GRM4: variants seen among roughly 807,000 people sequenced by gnomAD.
The protein encoded by GRM4 is metabotropic glutamate receptor 4.
A neutral mutation model predicts 81.7 loss-of-function variants in GRM4; 28 were observed. That is an observed-to-expected ratio of 0.34 (90% CI 0.25 to 0.47). The LOEUF (loss-of-function observed/expected upper bound fraction) is 0.47. Ranked by LOEUF, GRM4 falls within the 20% of genes least tolerant of loss-of-function variation. The pLI is 1.00. For synonymous variants in GRM4, 488 were observed against 528.8 expected (o/e 0.92, Z 1.06); for missense variants, 948 against 1,290.0 (o/e 0.73, Z 4.06).
chr6:34,053,201 C>G (rs1325233064), intron 6 of GRM4, among the ~76,000 whole-genome samples: 1 of 152,212 alleles, frequency 6.6e-6, no homozygotes, highest in Non-Finnish European at 1.5e-5. Context: ...AGTTAGATAA[C>G]TTGTCCAAGG....
intron 2 of GRM4, chr6:34,101,920 T>C: frequency 1.7e-6 from 2 of 1,146,896 alleles, no homozygotes; most frequent in Admixed American, 2.4e-5. Context: ...TCGTGGCCCC[T>C]GGCTTCTCTC....
chr6:34,080,256 C>T lies in GRM4; in HGVS notation c.736+11627G>A, dbSNP rs1180426721. Among the ~76,000 whole-genome samples, 4 of 152,218 alleles carry T rather than the reference C, an allele frequency of 2.6e-5. No individual in the cohort carries two copies. Among genetic ancestry groups the T allele is most frequent in the African/African-American group, 9.7e-5 (4 of 41,450 alleles). On this transcript the variant is annotated intron_variant, in intron 3 of 10. Coordinates refer to ENST00000538487, the MANE Select transcript of GRM4 (RefSeq NM_000841.4). This position sits in a 1 kb window ranked among gnomAD's most constrained non-coding sequence, Gnocchi z 5.4. ...GAGGACCGAAAGGCCGTCAACCTTG[C>T]AGGGAAGAGTCTCCCTTACTTGCCC... is the stretch of plus-strand genomic sequence containing the variant.
chr6:34,030,744 T>C (rs1468356494), intron 9 of GRM4, among the ~76,000 whole-genome samples: 1 of 152,182 alleles, frequency 6.6e-6, no homozygotes, highest in East Asian at 1.9e-4. Flanking sequence ...GCGCTGAAAA[T>C]TATATAGCCA....
intron 3 of GRM4, chr6:34,091,592 G>A (rs1013000914): frequency 1.3e-5 from 6 of 445,084 alleles, no homozygotes; most frequent in Non-Finnish European, 1.2e-5. Flanking sequence ...TTCCTCTGCT[G>A]TGAGGAGAGC....
Position 34,133,687 on chromosome 6 carries a change from C to T in GRM4, c.-191G>A, listed in dbSNP as rs1770343339. ...CTCGGGCCAAGCACAGTTGCCCGCA[C>T]AGTCCAGGCCCACAGACAGCAGGCA... On this transcript the variant is annotated 5_prime_UTR_variant, in exon 2 of 11. In the 5' UTR this introduces an upstream ATG that the reference lacks. Coordinates refer to ENST00000538487, the MANE Select transcript of GRM4 (RefSeq NM_000841.4). The surrounding 1 kb of genome is among the most constrained non-coding windows in gnomAD (Gnocchi z 6.5). 1 of 1,349,898 alleles carries T rather than the reference C, an allele frequency of 7.4e-7. No homozygotes were observed. The highest frequency in any genetic ancestry group is 1.5e-5 in the African/African-American group (1 of 67,764). The allele number at this position is 1,349,898 out of a possible 1,614,324, so 83.6% of individuals were successfully genotyped here.
intron 2 of GRM4, among the ~76,000 whole-genome samples, chr6:34,102,918 G>A (rs1433522934): frequency 2.6e-5 from 4 of 152,212 alleles, no homozygotes; most frequent in African/African-American, 4.8e-5. Context: ...ATGGTCTGAC[G>A]CTGCGCCTGG....
chr6:34,141,536 T>C (rs755638311), intron 1 of GRM4, among the ~76,000 whole-genome samples: 1 of 152,204 alleles, frequency 6.6e-6, no homozygotes, highest in Non-Finnish European at 1.5e-5. Flanking sequence ...GATTGCTAAA[T>C]GGTGAGGTTA....
In GRM4 at chr6:34,078,201, G is replaced by A. The variant is rs926639337; in HGVS notation, c.736+13682C>T. Among the ~76,000 whole-genome samples, 1 of 152,080 alleles carries A rather than the reference G, an allele frequency of 6.6e-6. No individual in the cohort carries two copies. On this transcript the variant is annotated intron_variant, in intron 3 of 10. Transcript: ENST00000538487. The surrounding 1 kb of genome is among the most constrained non-coding windows in gnomAD (Gnocchi z 4.8). ...TTGACCTATTGTCCGGAAGGCTCCC[G>A]GACCCATCTCCAGCTCCTGTTCCTC...
intron 3 of GRM4, 113 bp from the exon 4 acceptor site, chr6:34,062,141 C>G (rs1766220396): frequency 8.6e-7 from 1 of 1,160,720 alleles, no homozygotes; most frequent in Non-Finnish European, 1.2e-6. Context: ...GGCTCCCCAG[C>G]CTGACTCCCA....
intron 3 of GRM4, among the ~76,000 whole-genome samples, chr6:34,072,861 CCA>C (rs1561792391): frequency 7.2e-6 from 1 of 139,132 alleles, no homozygotes; most frequent in Non-Finnish European, 1.6e-5. Context: ...CACACAATCA[CCA>C]CACAGATGCA....
chr6:34,135,578 C>T (rs76440512), intron 1 of GRM4, among the ~76,000 whole-genome samples: 1,836 of 152,330 alleles, frequency 0.012, 19 homozygotes, highest in Middle Eastern at 0.02. Flanking sequence ...GAGCCAGGGA[C>T]CTAGGACTAG....
rs71000022 is a variant in GRM4 at position 34,087,799 on chromosome 6, T to TACACACACACACACACACACACACACAC, written c.736+4056_736+4083dup. 8.7e-4 allele frequency among the ~76,000 whole-genome samples: 77 copies of TACACACACACACACACACACACACACAC among 88,394 alleles called. 2 individuals are homozygous for TACACACACACACACACACACACACACAC. Among genetic ancestry groups the TACACACACACACACACACACACACACAC allele is most frequent in the African/African-American group, 3.2e-3 (66 of 20,524 alleles). The allele number at this position is 88,394 out of a possible 152,430, so 58.0% of individuals were successfully genotyped here. On this transcript the variant is annotated intron_variant, in intron 3 of 10. Transcript: ENST00000538487. ...CCAGAACTTCCCAGACATGCACCCCTACACACACACACACACACACACACA... is the reference window on the plus strand; with the variant it reads ...CCAGAACTTCCCAGACATGCACCCCTACACACACACACACACACACACACACACACACACACACACACACACACACACA...
intron 2 of GRM4, among the ~76,000 whole-genome samples, chr6:34,119,414 G>A (rs112392924): frequency 9.5e-6 from 1 of 105,706 alleles, no homozygotes; most frequent in Non-Finnish European, 2.0e-5. Flanking sequence ...AGAGAGAGAG[G>A]GAGTGAGTGA....
chr6:34,106,742 T>G (rs1109653), intron 2 of GRM4, among the ~76,000 whole-genome samples: 1,862 of 152,338 alleles, frequency 0.012, 12 homozygotes, highest in Middle Eastern at 0.065. Flanking sequence ...GGGCAGGGGA[T>G]TTGTCGGCCT....
intron 2 of GRM4, among the ~76,000 whole-genome samples, chr6:34,131,932 C>A (rs1483641192): frequency 3.3e-5 from 5 of 151,958 alleles, no homozygotes; most frequent in African/African-American, 1.2e-4. Context: ...CCATTCTCTC[C>A]TCCCCTCCCT....
rs2127477606 is a variant in GRM4 at position 34,080,207 on chromosome 6, G to C, written c.736+11676C>G. 6.6e-6 allele frequency among the ~76,000 whole-genome samples: 1 copy of C among 152,296 alleles called. No individual in the cohort carries two copies. The highest frequency in any genetic ancestry group is 2.4e-5 in the African/African-American group (1 of 41,560). ...CGCTGCAGCTGGGGATCTGCCAAAA[G>C]TCACCCCTGCAGAAAGCCAGGGTGA... On this transcript the variant is annotated intron_variant, in intron 3 of 10. Coordinates refer to ENST00000538487, the MANE Select transcript of GRM4 (RefSeq NM_000841.4). The surrounding 1 kb of genome is among the most constrained non-coding windows in gnomAD (Gnocchi z 5.4).
At position 34,115,044 on chromosome 6, in the gene GRM4, C is replaced by T. The variant is rs1239397613; in HGVS notation, c.519+17934G>A. On this transcript the variant is annotated intron_variant, in intron 2 of 10. Transcript: ENST00000538487. This position sits in a 1 kb window ranked among gnomAD's most constrained non-coding sequence, Gnocchi z 4.1. ...AGGACAAACGGACCTTTAAGTGCCA[C>T]TAATCACTGCATCCAGGAGCAGCTG... Among the ~76,000 whole-genome samples, 3 of 152,238 alleles carry T rather than the reference C, an allele frequency of 2.0e-5. No homozygotes were observed. The highest frequency in any genetic ancestry group is 4.4e-5 in the Non-Finnish European group (3 of 68,042).
At chr6:34,029,375 C>T (rs1426565858) in intron 9 of GRM4, among the ~76,000 whole-genome samples, 1 of 152,200 alleles carries the variant, frequency 6.6e-6, no homozygotes, top group African/African-American at 2.4e-5. Context: ...CTACCCAGAC[C>T]AGCAGTGTGG....
chr6:34,022,606 T>C lies in GRM4; in HGVS notation c.*215A>G. The stretch of plus-strand genomic sequence containing the variant: ...CAAGACGCAGGTTCTTGTGGTAGCC[T>C]GGCACCGCCCCGGCCCCTCGTCCTC... On this transcript the variant is annotated 3_prime_UTR_variant, in exon 11 of 11. Coordinates refer to ENST00000538487, the MANE Select transcript of GRM4 (RefSeq NM_000841.4). The surrounding 1 kb of genome is among the most constrained non-coding windows in gnomAD (Gnocchi z 5.6). The C allele has an allele frequency of 1.7e-6, 1 of 587,820 alleles. No homozygotes were observed. The highest frequency in any genetic ancestry group is 1.9e-5 in the African/African-American group (1 of 53,664). 36.4% of individuals were successfully genotyped at this position (587,820 alleles called of 1,614,324 possible).
Sources: allele counts gnomAD v4.1 joint callset (sites outside exome capture counted in the v4.1 genomes callset), GRCh38; gene constraint gnomAD v4.1.1; non-coding constraint Gnocchi (gnomAD v3.1); transcripts MANE v1.5; gene names NCBI Gene and HGNC (gene_info 2026-07-23, HGNC 2026-07-21).